EXOSC10: variants seen among roughly 807,000 people sequenced by gnomAD.
The protein encoded by EXOSC10 is exosome complex component 10.
A neutral mutation model predicts 126.6 loss-of-function variants in EXOSC10; 94 were observed. The ratio of observed to expected loss-of-function variants is 0.74; its 90% confidence interval spans 0.63 to 0.88. The LOEUF (loss-of-function observed/expected upper bound fraction) is 0.88. Ranked by LOEUF, EXOSC10 falls within the 40% of genes least tolerant of loss-of-function variation. The pLI is 0.00. For synonymous variants in EXOSC10, 395 were observed against 400.8 expected, an observed-to-expected ratio of 0.99 and a Z score of 0.17; for missense variants, 1,041 against 1,100.5, an observed-to-expected ratio of 0.95 and a Z score of 0.77.
intron 2 of EXOSC10, among the ~76,000 whole-genome samples, 171 bp downstream of exon 2, chr1:11,097,849 A>T (rs1157953737): frequency 6.6e-6 from 1 of 152,276 alleles, no homozygotes; most frequent in Non-Finnish European, 1.5e-5. Context: ...TAAACTAAAA[A>T]TATACCAAGT....
intron 7 of EXOSC10, 87 bp downstream of exon 7, chr1:11,088,036 G>A (rs1640598384): frequency 1.5e-6 from 2 of 1,325,732 alleles, no homozygotes; most frequent in Non-Finnish European, 2.1e-6. Context: ...GATCTTCAAG[G>A]AAAGTCAAAA....
Position 11,088,238 on chromosome 1 carries a change from T to C in EXOSC10, c.759-40A>G, listed in dbSNP as rs768216604. 6.1e-6 allele frequency: 9 copies of C among 1,474,672 alleles called. No homozygotes were observed. In the South Asian group the frequency reaches 1.1e-4, roughly 17 times the overall value. The allele number at this position is 1,474,672 out of a possible 1,614,324, so 91.3% of individuals were successfully genotyped here. A position where few individuals can be genotyped will look rare whatever the true frequency, so the allele number is the denominator to read the frequency against. ...CAAAAAGAGAAATCATTCTGATTAA[T>C]TCCATGATTCAAGGGAAAAATAATG... On this transcript the variant is annotated intron_variant, in intron 6 of 24. Coordinates refer to ENST00000376936, the MANE Select transcript of EXOSC10 (RefSeq NM_001001998.3).
rs1639119848 is a variant in EXOSC10, at chr1:11,066,761, C to A, written c.2628-13G>T. ...GTACCTGAAGCCTCTGCAGAGAGTA[C>A]AAAAACAACAGTTATTTCTTCCGGG... On this transcript the variant is annotated splice_polypyrimidine_tract_variant and intron_variant, in intron 24 of 24. Coordinates refer to ENST00000376936, the MANE Select transcript of EXOSC10 (RefSeq NM_001001998.3). The A allele has an allele frequency of 6.2e-7, 1 of 1,614,024 alleles. No individual in the cohort carries two copies. The highest frequency in any genetic ancestry group is 8.5e-7 in the Non-Finnish European group (1 of 1,179,898).
chr1:11,082,480 T>G, intron 10 of EXOSC10: 1 of 1,261,460 alleles, frequency 7.9e-7, no homozygotes, highest in Non-Finnish European at 1.1e-6. Flanking sequence ...TGGAACACAG[T>G]GTAACTGCAT....
intron 9 of EXOSC10, among the ~76,000 whole-genome samples, chr1:11,085,015 G>A (rs1056094330): frequency 1.3e-5 from 2 of 152,160 alleles, no homozygotes; most frequent in Non-Finnish European, 1.5e-5. Flanking sequence ...GTACCATGCT[G>A]TTTTGGTTAC....
chr1:11,069,822 C>T, intron 21 of EXOSC10, 92 bp from the exon 22 acceptor site: 2 of 1,359,590 alleles, frequency 1.5e-6, no homozygotes, highest in Non-Finnish European at 2.0e-6. Context: ...GACCCAGCTG[C>T]CTAAGTGGTA....
At position 11,073,990 on chromosome 1, in the gene EXOSC10, G is replaced by GT; in HGVS notation, c.2100dup (p.His701ThrfsTer19). On this transcript the variant is annotated frameshift_variant, in exon 19 of 25. Coordinates refer to ENST00000376936, the MANE Select transcript of EXOSC10 (RefSeq NM_001001998.3). LOFTEE classifies it high-confidence loss of function. ...GCTGCCTGAGAGACGGGAGCACGGT[G>GT]TCCCAGTGAGGGCAGAAACTGGAGG... 4 of 1,613,892 alleles carry GT rather than the reference G, an allele frequency of 2.5e-6. No individual in the cohort carries two copies. Among genetic ancestry groups the GT allele is most frequent in the Non-Finnish European group, 3.4e-6 (4 of 1,179,950 alleles).
intron 3 of EXOSC10, among the ~76,000 whole-genome samples, chr1:11,093,037 A>C (rs965398433): frequency 2.0e-5 from 3 of 152,240 alleles, no homozygotes; most frequent in African/African-American, 7.2e-5. Context: ...GTTTATTGAG[A>C]CATAACCATG....
intron 6 of EXOSC10, among the ~76,000 whole-genome samples, chr1:11,088,794 G>C (rs1172399721): frequency 6.6e-6 from 1 of 152,174 alleles, no homozygotes; most frequent in Non-Finnish European, 1.5e-5. Flanking sequence ...GTGAGGAAAA[G>C]GCCAATACTA....
At chr1:11,097,420 A>C (rs1641170588) in intron 2 of EXOSC10, among the ~76,000 whole-genome samples, 1 of 151,234 alleles carries the variant, frequency 6.6e-6, no homozygotes, top group Admixed American at 6.6e-5. Context: ...CTACTCTACA[A>C]GTTGTGGGAA....
At position 11,076,927 on chromosome 1, in the gene EXOSC10, T is replaced by G; in HGVS notation, c.1901A>C (p.Gln634Pro). 6.2e-7 allele frequency: 1 copy of G among 1,613,860 alleles called. No individual in the cohort carries two copies. ...PTSGSVPVQK[Q>P]ASLFPDEKED... ...TTTTTCATCAGGGAAGAGGCTCGCC[T>G]GCTTCTGAACTGGCACAGATCCTAG... The change falls in exon 17 of 25, where the codon CAG (glutamine) becomes CCG (proline). Residue 634 changes from glutamine to proline, a missense_variant. By Grantham distance (76) the Gln-to-Pro change is moderately conservative. Coordinates refer to ENST00000376936, the MANE Select transcript of EXOSC10 (RefSeq NM_001001998.3).
intron 24 of EXOSC10, among the ~76,000 whole-genome samples, chr1:11,067,465 A>G (rs185819085): frequency 6.9e-6 from 1 of 144,872 alleles, no homozygotes; most frequent in Non-Finnish European, 1.5e-5. Flanking sequence ...TTAGCCGGGC[A>G]TGATGGCAGG....
chr1:11,069,425 A>G, intron 22 of EXOSC10, 134 bp downstream of exon 22: 3 of 1,051,562 alleles, frequency 2.9e-6, no homozygotes, highest in Non-Finnish European at 4.2e-6. Context: ...GCCTCTCTGG[A>G]CTACTCCAAC....
intron 9 of EXOSC10, among the ~76,000 whole-genome samples, chr1:11,085,530 T>G (rs545979302): frequency 0.014 from 2,094 of 152,280 alleles, 63 homozygotes; most frequent in African/African-American, 0.049. Context: ...GCTGAGACAA[T>G]GGGGTTTTCT....
chr1:11,079,814 T>C lies in EXOSC10; in HGVS notation c.1646A>G (p.Gln549Arg). The change falls in exon 14 of 25, where the codon CAG (glutamine) becomes CGG (arginine). Residue 549 changes from glutamine to arginine, a missense_variant. Physicochemically the swap from Gln to Arg is conservative, Grantham distance 43. This residue lies in a region of EXOSC10 where 388 missense variants were observed against 415.2 expected (regional missense o/e 0.93). Coordinates refer to ENST00000376936, the MANE Select transcript of EXOSC10 (RefSeq NM_001001998.3). ...KIAEELPKEP[Q>R]GIIACCNPVP... ...TGGGTTGCAGCAAGCTATGATGCCC[T>C]GAGGTTCCCTGAAGACAAGTAAGAA... 6.2e-7 allele frequency: 1 copy of C among 1,611,244 alleles called. No homozygotes were observed. Among genetic ancestry groups the C allele is most frequent in the Non-Finnish European group, 8.5e-7 (1 of 1,178,626 alleles).
Position 11,087,914 on chromosome 1 carries a change from G to A in EXOSC10, c.835-4C>T, listed in dbSNP as rs1433355313. The A allele has an allele frequency of 1.3e-6, 2 of 1,542,582 alleles. No individual in the cohort carries two copies. The highest frequency in any genetic ancestry group is 1.8e-6 in the Non-Finnish European group (2 of 1,119,660). ...TCTCTTCTATAGGTCTGTATAACTG[G>A]ATCAAGAGAATAGTAAGAAAAAGGG... On this transcript the variant is annotated splice_region_variant and splice_polypyrimidine_tract_variant and intron_variant, in intron 7 of 24. Transcript: ENST00000376936.
intron 3 of EXOSC10, among the ~76,000 whole-genome samples, chr1:11,095,247 G>A (rs554665045): frequency 4.5e-4 from 67 of 149,790 alleles, no homozygotes; most frequent in Admixed American, 1.1e-3. Flanking sequence ...CCATGGGGCA[G>A]TAATATTTTT....
intron 17 of EXOSC10, among the ~76,000 whole-genome samples, chr1:11,074,575 G>A (rs1451048972): frequency 6.6e-6 from 1 of 152,014 alleles, no homozygotes. Context: ...ACCATGCCCA[G>A]CTAATTTTTG....
chr1:11,081,191 T>C lies in EXOSC10; in HGVS notation c.1328A>G (p.Tyr443Cys). 6.2e-7 allele frequency: 1 copy of C among 1,614,156 alleles called. No homozygotes were observed. Among genetic ancestry groups the C allele is most frequent in the Non-Finnish European group, 8.5e-7 (1 of 1,180,032 alleles). ...CATTTTGTCATAGATATATAGCAGG[T>C]AATGGGTGTCATCCCGGGCGTAGCT... ...MLSYARDDTH[Y>C]LLYIYDKMRL... Residue 443 changes from tyrosine to cysteine, a missense_variant, in exon 11 of 25, where the codon TAC becomes TGC. This residue lies in a region of EXOSC10 where 645 missense variants were observed against 656.3 expected (regional missense o/e 0.98). Transcript: ENST00000376936.
Sources: gnomAD v4.1 joint callset for allele counts (sites outside exome capture counted in the v4.1 genomes callset) on GRCh38, gnomAD v4.1.1 for gene constraint, gnomAD v4.1.1 regional missense constraint, MANE v1.5 for transcripts, NCBI Gene and HGNC (gene_info 2026-07-23, HGNC 2026-07-21) for gene names.